NPR3: variants seen among roughly 807,000 people sequenced by gnomAD.
The protein encoded by NPR3 is atrial natriuretic peptide receptor 3.
Under a neutral mutation model 54.5 loss-of-function variants are expected in NPR3, and 34 were observed. The ratio of observed to expected loss-of-function variants is 0.62; its 90% CI spans 0.47 to 0.83. The LOEUF is 0.83. Among genes scored for constraint, NPR3 ranks in the 40% least tolerant of loss-of-function variants. The pLI, the probability that NPR3 is intolerant of heterozygous loss-of-function variation, is 0.00. For synonymous variants in NPR3, 289 were observed against 297.1 expected, an observed-to-expected ratio of 0.97 and a Z score of 0.28; for missense variants, 674 against 720.8, an observed-to-expected ratio of 0.94 and a Z score of 0.74.
intron 1 of NPR3, among the ~76,000 whole-genome samples, chr5:32,718,063 C>G (rs1738649693): frequency 6.6e-6 from 1 of 152,174 alleles, no homozygotes; most frequent in South Asian, 2.1e-4. Context: ...CTAGTTTCAG[C>G]TTTCTACTTA....
At chr5:32,705,792 C>A (rs1437861337), upstream of NPR3, among the ~76,000 whole-genome samples, 1 of 152,134 alleles carries the variant, frequency 6.6e-6, no homozygotes, top group Non-Finnish European at 1.5e-5. Context: ...ACAGCAGAAA[C>A]AATAATCAAC....
intron 3 of NPR3, among the ~76,000 whole-genome samples, chr5:32,744,803 C>T (rs7706219): frequency 0.13 from 19,328 of 152,084 alleles, 1,329 homozygotes; most frequent in East Asian, 0.23. Context: ...CATCGCAGCA[C>T]ACCTCTTGGG....
intron 3 of NPR3, among the ~76,000 whole-genome samples, chr5:32,773,517 G>A (rs1741878932): frequency 6.6e-6 from 1 of 152,096 alleles, no homozygotes; most frequent in South Asian, 2.1e-4. Flanking sequence ...TCCCAGCCGA[G>A]CAAAACATTT....
Position 32,762,526 on chromosome 5 carries a change from G to C in NPR3, c.1060-12182G>C, listed in dbSNP as rs181504605. Among the ~76,000 whole-genome samples, 225 of 150,984 alleles carry C rather than the reference G, an allele frequency of 1.5e-3. 4 individuals carry two copies. Among genetic ancestry groups the C allele is most frequent in the Admixed American group, 0.013 (196 of 15,066 alleles). ...TGGTATCTCATTGTGGTTTTGATTTGCATTTCTCTAATGACCAGTGATGAT... is the reference window on the plus strand; with the variant it reads ...TGGTATCTCATTGTGGTTTTGATTTCCATTTCTCTAATGACCAGTGATGAT... On this transcript the variant is annotated intron_variant, in intron 3 of 7. Coordinates refer to ENST00000265074, the MANE Select transcript of NPR3 (RefSeq NM_001204375.2).
chr5:32,703,009 C>A (rs1295104586), intron 1 of NPR3, among the ~76,000 whole-genome samples: 1 of 152,146 alleles, frequency 6.6e-6, no homozygotes, highest in Non-Finnish European at 1.5e-5. Flanking sequence ...TCTCTGATGG[C>A]CAGTGATGGT....
intron 3 of NPR3, among the ~76,000 whole-genome samples, chr5:32,753,843 G>A (rs1395305110): frequency 2.0e-5 from 3 of 152,092 alleles, no homozygotes; most frequent in African/African-American, 7.2e-5. Context: ...TGATAAGAGA[G>A]CCCTGCTCAT....
chr5:32,700,192 G>T (rs1477588115), intron 1 of NPR3, among the ~76,000 whole-genome samples: 1 of 152,014 alleles, frequency 6.6e-6, no homozygotes. Flanking sequence ...GGTTAAATCT[G>T]CTTGGTGTTC....
intron 4 of NPR3, among the ~76,000 whole-genome samples, chr5:32,777,389 A>C (rs1261699533): frequency 2.0e-5 from 3 of 152,186 alleles, no homozygotes. Flanking sequence ...CACCTGTATA[A>C]TAAGGAGGTT....
At chr5:32,730,513 T>C (rs990235240) in intron 2 of NPR3, among the ~76,000 whole-genome samples, 1 of 152,084 alleles carries the variant, frequency 6.6e-6, no homozygotes, top group African/African-American at 2.4e-5. Flanking sequence ...AGCATACAGT[T>C]TGGAAAAGAA....
Position 32,711,775 on chromosome 5 carries a change from C to G in NPR3, c.-2C>G, listed in dbSNP as rs1300098268. On this transcript the variant is annotated 5_prime_UTR_variant, in exon 1 of 8. Transcript: ENST00000265074. The stretch of plus-strand genomic sequence containing the variant: ...CGAGGGCAAGCTCTTTCTTGCGGCA[C>G]GATGCCGTCTCTGCTGGTGCTCACT... The G allele has an allele frequency of 2.8e-6, 4 of 1,420,296 alleles. No homozygotes were observed. 88.0% of individuals were successfully genotyped at this position (1,420,296 alleles called of 1,614,324 possible).
At position 32,719,333 on chromosome 5, in the gene NPR3, C is replaced by CTTT. The variant is rs1295735649; in HGVS notation, c.770-5365_770-5364insTTT. Among the ~76,000 whole-genome samples, 4 of 152,210 alleles carry CTTT rather than the reference C, an allele frequency of 2.6e-5. No individual in the cohort carries two copies. In the South Asian group the frequency reaches 8.3e-4, roughly 32 times the overall value. On this transcript the variant is annotated intron_variant, in intron 1 of 7. Transcript: ENST00000265074. The stretch of plus-strand genomic sequence containing the variant: ...TTTTTGTTTTGTTGGACCACATCCT[C>CTTT]CAAGAGCTTTCTGAGAAAGGATGAA...
At chr5:32,694,628 C>A (rs1257788819) in intron 1 of NPR3, among the ~76,000 whole-genome samples, 3 of 152,116 alleles carry the variant, frequency 2.0e-5, no homozygotes, top group Admixed American at 2.0e-4. Flanking sequence ...TACAGGCATA[C>A]AATGCATAAT....
At chr5:32,692,590 G>A (rs57376313) in intron 1 of NPR3, among the ~76,000 whole-genome samples, 1,771 of 152,260 alleles carry the variant, frequency 0.012, 33 homozygotes, top group African/African-American at 0.041. Flanking sequence ...TTTTCCTGAT[G>A]TTTTTCTTAT....
intron 5 of NPR3, 41 bp downstream of exon 5, chr5:32,780,857 C>A: frequency 1.1e-6 from 1 of 870,558 alleles, no homozygotes; most frequent in South Asian, 1.4e-5. Context: ...TCCTTCTGCT[C>A]GTGGGGACTC....
upstream of NPR3, chr5:32,710,600 C>A: frequency 7.1e-7 from 1 of 1,400,752 alleles, no homozygotes; most frequent in East Asian, 2.9e-5. Flanking sequence ...AGGGGGCTGG[C>A]GCGGGGCTGA....
chr5:32,744,086 G>A (rs1235950506), intron 3 of NPR3, among the ~76,000 whole-genome samples: 1 of 146,422 alleles, frequency 6.8e-6, no homozygotes, highest in Non-Finnish European at 1.5e-5. Flanking sequence ...CCTGCCTCCC[G>A]GGTTCAGGTG....
At chr5:32,728,247 G>A (rs1426205071) in intron 2 of NPR3, among the ~76,000 whole-genome samples, 1 of 152,142 alleles carries the variant, frequency 6.6e-6, no homozygotes, top group African/African-American at 2.4e-5. Context: ...TGGATTACCT[G>A]AGGTCAGGAG....
chr5:32,710,649 A>G, upstream of NPR3: 1 of 1,487,312 alleles, frequency 6.7e-7, no homozygotes, highest in Non-Finnish European at 9.0e-7. Context: ...CCAGCCGGGC[A>G]CACCAGGTCC....
chr5:32,767,008 A>C (rs555556918), intron 3 of NPR3, among the ~76,000 whole-genome samples: 1 of 152,290 alleles, frequency 6.6e-6, no homozygotes, highest in South Asian at 2.1e-4. Flanking sequence ...TTCCCTCTCC[A>C]GGTGCAGTTT....
Sources: gnomAD v4.1 joint callset for allele counts (sites outside exome capture counted in the v4.1 genomes callset) on GRCh38, gnomAD v4.1.1 for gene constraint, MANE v1.5 for transcripts, NCBI Gene and HGNC (gene_info 2026-07-23, HGNC 2026-07-21) for gene names.